Variants in VWA8 observed in about 807,000 individuals in gnomAD.
VWA8 encodes the protein von Willebrand factor A domain-containing protein 8.
In VWA8, 221 loss-of-function variants were observed where a neutral mutation model predicts 241.5. That is an observed-to-expected ratio of 0.91 (90% CI 0.82 to 1.02). The LOEUF (loss-of-function observed/expected upper bound fraction) is 1.02, where lower values mean the gene tolerates loss of function less well. Ranked by LOEUF, VWA8 falls within the 50% of genes least tolerant of loss-of-function variation. The pLI, the probability that VWA8 is intolerant of heterozygous loss-of-function variation, is 0.00. For synonymous variants in VWA8, 852 were observed against 827.1 expected (o/e 1.03, Z -0.52); for missense variants, 2,322 against 2,328.7 (o/e 1.00, Z 0.06).
intron 5 of VWA8, among the ~76,000 whole-genome samples, chr13:41,888,136 A>G (rs148725257): frequency 0.012 from 1,851 of 152,334 alleles, 19 homozygotes; most frequent in Non-Finnish European, 0.017. Flanking sequence ...ACTGCTAGGA[A>G]AACTAAATGT....
At chr13:41,869,630 T>TC (rs1873490634) in intron 9 of VWA8, among the ~76,000 whole-genome samples, 1 of 24,410 alleles carries the variant, frequency 4.1e-5, no homozygotes, top group Admixed American at 7.6e-4. Context: ...AAACTTTGTC[T>TC]CAAAAAAAAA....
intron 13 of VWA8, among the ~76,000 whole-genome samples, chr13:41,832,688 A>G (rs1330703414): frequency 6.6e-6 from 1 of 152,204 alleles, no homozygotes; most frequent in Admixed American, 6.5e-5. Context: ...AGAAAATATC[A>G]GTATCATTAA....
chr13:41,708,554 T>C (rs1038747344), intron 26 of VWA8, among the ~76,000 whole-genome samples: 1 of 152,164 alleles, frequency 6.6e-6, no homozygotes. Context: ...GTAAATTAAT[T>C]TGGCTTTGCT....
At chr13:41,909,419 T>TA (rs1467945282) in intron 3 of VWA8, among the ~76,000 whole-genome samples, 1 of 152,222 alleles carries the variant, frequency 6.6e-6, no homozygotes, top group Non-Finnish European at 1.5e-5. Flanking sequence ...GATGTGGTGA[T>TA]ACCTAAGGAT....
At position 41,628,033 on chromosome 13, in the gene VWA8, C is replaced by A. The variant is rs531552831; in HGVS notation, c.4612-12949G>T. On this transcript the variant is annotated intron_variant, in intron 37 of 44. Transcript: ENST00000379310. ...AGTAAATGACTTTGTAACTTTTCTTCATCCACTTGATTTACATAGGGTGTA... is the reference window on the plus strand; with the variant it reads ...AGTAAATGACTTTGTAACTTTTCTTAATCCACTTGATTTACATAGGGTGTA... Among the ~76,000 whole-genome samples, 632 of 152,240 alleles carry A rather than the reference C, an allele frequency of 4.2e-3. 2 individuals carry two copies. Among genetic ancestry groups the A allele is most frequent in the Non-Finnish European group, 5.9e-3 (403 of 68,014 alleles).
At chr13:41,929,528 T>TTAAAAAGGTA (rs757669057) in intron 2 of VWA8, among the ~76,000 whole-genome samples, 69 of 152,262 alleles carry the variant, frequency 4.5e-4, no homozygotes, top group Non-Finnish European at 6.6e-4. Flanking sequence ...GTATCAGTTT[T>TTAAAAAGGTA]TAAAAAGGTA....
At chr13:41,684,682 A>G (rs1333707404) in intron 35 of VWA8, among the ~76,000 whole-genome samples, 1 of 152,208 alleles carries the variant, frequency 6.6e-6, no homozygotes, top group Non-Finnish European at 1.5e-5. Context: ...TAAGTGAATC[A>G]GTCTGCACGA....
chr13:41,754,242 T>C (rs1215870163), intron 21 of VWA8, among the ~76,000 whole-genome samples: 1 of 152,096 alleles, frequency 6.6e-6, no homozygotes, highest in Non-Finnish European at 1.5e-5. Context: ...GGCAGGTCTT[T>C]CCTGTGCTAT....
At chr13:41,803,867 T>C (rs1289835837) in intron 17 of VWA8, among the ~76,000 whole-genome samples, 2 of 152,180 alleles carry the variant, frequency 1.3e-5, no homozygotes, top group Non-Finnish European at 2.9e-5. Flanking sequence ...CAAGTAAAAA[T>C]TCTGGAGCTG....
chr13:41,876,752 A>C (rs1285312746), intron 9 of VWA8, among the ~76,000 whole-genome samples: 1 of 152,142 alleles, frequency 6.6e-6, no homozygotes, highest in Admixed American at 6.5e-5. Flanking sequence ...TCATTTAACA[A>C]GGCATCTTTG....
intron 10 of VWA8, among the ~76,000 whole-genome samples, 156 bp from the exon 11 acceptor site, chr13:41,866,192 CA>C (rs1275330088): frequency 8.6e-5 from 13 of 151,938 alleles, no homozygotes; most frequent in Non-Finnish European, 1.8e-4. Flanking sequence ...TACAAAAATA[CA>C]AAAAAATTAG....
intron 40 of VWA8, among the ~76,000 whole-genome samples, chr13:41,600,790 C>A (rs2044516317): frequency 6.6e-6 from 1 of 152,080 alleles, no homozygotes; most frequent in African/African-American, 2.4e-5. Flanking sequence ...GAAAACCTCC[C>A]ATTTCCCTTC....
At chr13:41,799,331 G>A (rs1283926125) in intron 17 of VWA8, among the ~76,000 whole-genome samples, 5 of 152,228 alleles carry the variant, frequency 3.3e-5, no homozygotes, top group South Asian at 2.1e-4. Context: ...AAATGATCCC[G>A]GATAAGTTTT....
At chr13:41,951,348 C>T (rs1221867049) in intron 1 of VWA8, among the ~76,000 whole-genome samples, 2 of 152,154 alleles carry the variant, frequency 1.3e-5, no homozygotes, top group African/African-American at 4.8e-5. Context: ...AGCCAGGAGG[C>T]GGAGGTTGCA....
chr13:41,830,051 G>A (rs887835100), intron 14 of VWA8, among the ~76,000 whole-genome samples: 12 of 152,036 alleles, frequency 7.9e-5, no homozygotes, highest in Non-Finnish European at 1.8e-4. Context: ...GACCATCCTG[G>A]CTAACAAGGT....
At position 41,572,586 on chromosome 13, in the gene VWA8, T is replaced by C. The variant is rs1362077911; in HGVS notation, c.5371-1880A>G. On this transcript the variant is annotated intron_variant, in intron 43 of 44. Coordinates refer to ENST00000379310, the MANE Select transcript of VWA8 (RefSeq NM_015058.2). ...AAGATGTGCTTTGTTAAACAGATGCTTGAAGGCAGCATGCTCCTTAAGAGT... is the reference window on the plus strand; with the variant it reads ...AAGATGTGCTTTGTTAAACAGATGCCTGAAGGCAGCATGCTCCTTAAGAGT... Among the ~76,000 whole-genome samples the C allele has an allele frequency of 3.9e-5, 6 of 151,988 alleles. No individual in the cohort carries two copies. In the East Asian group the frequency reaches 1.2e-3, roughly 29 times the overall value.
chr13:41,647,485 G>T (rs2044839175), intron 37 of VWA8, among the ~76,000 whole-genome samples: 1 of 152,234 alleles, frequency 6.6e-6, no homozygotes, highest in East Asian at 1.9e-4. Context: ...TTAAAAGGTT[G>T]TTATTTGACA....
intron 12 of VWA8, among the ~76,000 whole-genome samples, chr13:41,852,319 C>T (rs1045519320): frequency 6.6e-6 from 1 of 152,118 alleles, no homozygotes; most frequent in African/African-American, 2.4e-5. Context: ...AGTTGAGTTC[C>T]TTTTACAGTT....
intron 4 of VWA8, among the ~76,000 whole-genome samples, chr13:41,894,745 T>G (rs979736583): frequency 2.6e-5 from 4 of 152,168 alleles, no homozygotes; most frequent in Non-Finnish European, 4.4e-5. Context: ...ATTAACCAAG[T>G]GATCAAAGTC....
Sources: gnomAD v4.1 joint callset for allele counts (sites outside exome capture counted in the v4.1 genomes callset) on GRCh38, gnomAD v4.1.1 for gene constraint, MANE v1.5 for transcripts, NCBI Gene and HGNC (gene_info 2026-07-23, HGNC 2026-07-21) for gene names.